PPFIA1: variants seen among roughly 807,000 people sequenced by gnomAD.
The protein encoded by PPFIA1 is PPFI scaffold protein A1.
A neutral mutation model predicts 149.9 loss-of-function variants in PPFIA1; 25 were observed. The ratio of observed to expected loss-of-function variants is 0.17; its 90% confidence interval spans 0.12 to 0.23. The LOEUF (loss-of-function observed/expected upper bound fraction) is 0.23, where lower values mean the gene tolerates loss of function less well. PPFIA1 is among the 10% of genes least tolerant of loss of function. PPFIA1 has a pLI of 1.00. For missense variants in PPFIA1, 1,362 were observed against 1,506.5 expected (o/e 0.90, Z 1.59); for synonymous variants, 549 against 552.8 (o/e 0.99, Z 0.10).
At position 70,281,051 on chromosome 11, in the gene PPFIA1, A is replaced by G. The variant is rs139897879; in HGVS notation, c.264+8615A>G. ...CTAGTGAAATTTTTTCCTTTTGTCAAGTATATTTTTGAATAGTTGACATTT... is the reference window on the plus strand; with the variant it reads ...CTAGTGAAATTTTTTCCTTTTGTCAGGTATATTTTTGAATAGTTGACATTT... On this transcript the variant is annotated intron_variant, in intron 2 of 27. Transcript: ENST00000253925. 2.6e-5 allele frequency among the ~76,000 whole-genome samples: 4 copies of G among 152,138 alleles called. No individual in the cohort carries two copies. The East Asian group carries it at 7.7e-4, about 29-fold the overall frequency.
intron 2 of PPFIA1, among the ~76,000 whole-genome samples, chr11:70,296,204 A>G (rs2052002671): frequency 6.8e-6 from 1 of 146,974 alleles, no homozygotes. Context: ...CAGACTCGGC[A>G]GCCAGGCAGA....
intron 11 of PPFIA1, among the ~76,000 whole-genome samples, chr11:70,336,187 C>T (rs534148399): frequency 1.3e-5 from 2 of 152,260 alleles, no homozygotes; most frequent in South Asian, 2.1e-4. Context: ...CAACCCTCAC[C>T]CCTTTATTAT....
At chr11:70,381,443 G>C (rs866252459) in intron 26 of PPFIA1, among the ~76,000 whole-genome samples, 1 of 152,182 alleles carries the variant, frequency 6.6e-6, no homozygotes, top group Non-Finnish European at 1.5e-5. Context: ...TTTCTGGTAG[G>C]AACTGAGACT....
chr11:70,328,133 A>G (rs2054432552), intron 7 of PPFIA1, among the ~76,000 whole-genome samples: 1 of 151,914 alleles, frequency 6.6e-6, no homozygotes, highest in Non-Finnish European at 1.5e-5. Flanking sequence ...TCTGTTACAT[A>G]AGTAAACTTG....
intron 21 of PPFIA1, among the ~76,000 whole-genome samples, chr11:70,370,758 C>T (rs1169346269): frequency 2.6e-5 from 4 of 152,058 alleles, no homozygotes; most frequent in East Asian, 1.9e-4. Flanking sequence ...AATCCTTTGT[C>T]GTGATTTTTG....
chr11:70,335,461 G>A (rs573322484), intron 10 of PPFIA1, 102 bp from the exon 11 acceptor site: 4 of 1,380,228 alleles, frequency 2.9e-6, no homozygotes, highest in South Asian at 2.6e-5. Flanking sequence ...AACTGGGGGA[G>A]GGGAGGGCAC....
chr11:70,316,559 G>A (rs749475810), intron 2 of PPFIA1, among the ~76,000 whole-genome samples: 7 of 152,230 alleles, frequency 4.6e-5, no homozygotes, highest in Non-Finnish European at 1.0e-4. Flanking sequence ...AGAGGAAAGG[G>A]TAAGGGGTGG....
intron 19 of PPFIA1, 123 bp downstream of exon 19, chr11:70,356,377 C>A (rs78411282): frequency 1.4e-6 from 1 of 740,500 alleles, no homozygotes; most frequent in African/African-American, 1.8e-5. Context: ...AAAGCTTTAC[C>A]TACAGCCTTA....
chr11:70,343,442 A>G lies in PPFIA1; in HGVS notation c.1708-227A>G, dbSNP rs144722734. Among the ~76,000 whole-genome samples the G allele has an allele frequency of 6.6e-5, 10 of 152,204 alleles. No individual in the cohort carries two copies. The East Asian group carries it at 1.9e-3, about 29-fold the overall frequency. Reference sequence around the variant, plus strand: ...TTGTGTATTTCGCCATGGAAATGCCACATGTCCATGTTAGGGCGTTAATAT... The same window carrying G: ...TTGTGTATTTCGCCATGGAAATGCCGCATGTCCATGTTAGGGCGTTAATAT... On this transcript the variant is annotated intron_variant, in intron 14 of 27. Coordinates refer to ENST00000253925, the MANE Select transcript of PPFIA1 (RefSeq NM_003626.5).
At chr11:70,301,163 A>G (rs1227657251) in intron 2 of PPFIA1, among the ~76,000 whole-genome samples, 1 of 152,170 alleles carries the variant, frequency 6.6e-6, no homozygotes. Context: ...CCATCTATAA[A>G]ATCTGTAAAA....
At chr11:70,273,840 A>C (rs1460403831) in intron 2 of PPFIA1, among the ~76,000 whole-genome samples, 1 of 152,222 alleles carries the variant, frequency 6.6e-6, no homozygotes, top group Non-Finnish European at 1.5e-5. Context: ...TTGTATTTGT[A>C]ATTTAAGGTA....
At chr11:70,294,219 G>C (rs1315431402) in intron 2 of PPFIA1, among the ~76,000 whole-genome samples, 1 of 151,984 alleles carries the variant, frequency 6.6e-6, no homozygotes, top group Non-Finnish European at 1.5e-5. Flanking sequence ...TGGGATGACA[G>C]GTGCGAGCCA....
chr11:70,304,387 C>T (rs1387511783), intron 2 of PPFIA1, among the ~76,000 whole-genome samples: 2 of 152,186 alleles, frequency 1.3e-5, no homozygotes, highest in South Asian at 2.1e-4. Flanking sequence ...AGGCTGGTCT[C>T]AAATTCCTGG....
chr11:70,295,083 C>T (rs1306397472), intron 2 of PPFIA1, among the ~76,000 whole-genome samples: 2 of 152,174 alleles, frequency 1.3e-5, no homozygotes, highest in Non-Finnish European at 2.9e-5. Context: ...ACCTCCCAGA[C>T]GGGGTGGTGG....
chr11:70,349,522 A>G (rs910627232), intron 16 of PPFIA1, among the ~76,000 whole-genome samples: 5 of 152,166 alleles, frequency 3.3e-5, no homozygotes, highest in African/African-American at 4.8e-5. Flanking sequence ...TGTGTTGTCA[A>G]TGAAATATTT....
intron 16 of PPFIA1, among the ~76,000 whole-genome samples, chr11:70,351,681 C>T (rs2056064094): frequency 6.6e-6 from 1 of 152,038 alleles, no homozygotes; most frequent in South Asian, 2.1e-4. Flanking sequence ...GTATTTAATC[C>T]CCATACACAT....
At chr11:70,296,455 G>A (rs561475779) in intron 2 of PPFIA1, among the ~76,000 whole-genome samples, 3 of 152,268 alleles carry the variant, frequency 2.0e-5, no homozygotes, top group East Asian at 3.9e-4. Context: ...CGAGGCTGGC[G>A]GACCACTCGC....
chr11:70,316,738 C>CT (rs756463318), intron 2 of PPFIA1, among the ~76,000 whole-genome samples: 2 of 152,240 alleles, frequency 1.3e-5, no homozygotes, highest in Non-Finnish European at 2.9e-5. Flanking sequence ...GATAGGGCTA[C>CT]TTCAAGCCAT....
intron 25 of PPFIA1, 80 bp from the exon 26 acceptor site, chr11:70,377,950 C>A: frequency 1.8e-6 from 2 of 1,107,968 alleles, no homozygotes; most frequent in South Asian, 3.0e-5. Context: ...GATCAGCAGT[C>A]ATTTTAAAGG....
Sources: gnomAD v4.1 joint callset for allele counts (sites outside exome capture counted in the v4.1 genomes callset) on GRCh38, gnomAD v4.1.1 for gene constraint, MANE v1.5 for transcripts, NCBI Gene and HGNC (gene_info 2026-07-23, HGNC 2026-07-21) for gene names.